ACRBP: variants seen among roughly 807,000 people sequenced by gnomAD.
ACRBP encodes the protein acrosin-binding protein.
A neutral mutation model predicts 69.0 loss-of-function variants in ACRBP; 52 were observed. The observed-to-expected ratio is 0.75, with a 90% CI of 0.60 to 0.95. ACRBP has a LOEUF of 0.95. ACRBP is among the 40% of genes least tolerant of loss of function. The probability of loss-of-function intolerance (pLI) is 0.00; values close to 1 mark genes in which losing one functional copy is unlikely to be tolerated. For synonymous variants in ACRBP, 267 were observed against 258.9 expected (o/e 1.03, Z -0.30); for missense variants, 604 against 673.0 (o/e 0.90, Z 1.13).
At chr12:6,646,757 C>T (rs769877349) in intron 2 of ACRBP, 37 bp downstream of exon 2, 1 of 1,610,864 alleles carries the variant, frequency 6.2e-7, no homozygotes, top group Admixed American at 1.7e-5. Context: ...GGTGAACACT[C>T]TGGGTGCCTC....
chr12:6,643,163 G>A (rs1000945614), intron 6 of ACRBP, among the ~76,000 whole-genome samples: 1 of 152,114 alleles, frequency 6.6e-6, no homozygotes, highest in Non-Finnish European at 1.5e-5. Flanking sequence ...GCTGAGATGA[G>A]AGGAGGATCA....
At position 6,645,217 on chromosome 12, in the gene ACRBP, C is replaced by T; in HGVS notation, c.475+3G>A. The T allele has an allele frequency of 1.9e-6, 3 of 1,609,556 alleles. No individual in the cohort carries two copies. Among genetic ancestry groups the T allele is most frequent in the Non-Finnish European group, 2.5e-6 (3 of 1,176,524 alleles). The stretch of plus-strand genomic sequence containing the variant: ...GGTCTCCCGGCTGCTGAGAGGGTCT[C>T]ACCTGTGAAGTGGGGTGAGATGGGG... On this transcript the variant is annotated splice_donor_region_variant and intron_variant, in intron 4 of 9. Coordinates refer to ENST00000229243, the MANE Select transcript of ACRBP (RefSeq NM_032489.3).
chr12:6,641,272 G>A (rs977213163), intron 6 of ACRBP, among the ~76,000 whole-genome samples: 2 of 152,154 alleles, frequency 1.3e-5, no homozygotes, highest in South Asian at 2.1e-4. Context: ...GCAGGAGATC[G>A]TACTAAGCAG....
chr12:6,643,820 G>T, intron 5 of ACRBP, 149 bp from the exon 6 acceptor site: 1 of 1,198,764 alleles, frequency 8.3e-7, no homozygotes, highest in East Asian at 2.4e-5. Context: ...TGGACAAATC[G>T]CCTCATTTTT....
chr12:6,646,874 C>T lies in ACRBP; in HGVS notation c.182G>A (p.Arg61His), dbSNP rs1276739488. 3.7e-6 allele frequency: 6 copies of T among 1,614,124 alleles called. No individual in the cohort carries two copies. Among genetic ancestry groups the T allele is most frequent in the African/African-American group, 1.3e-5 (1 of 75,026 alleles). The part of the protein sequence containing the change: ...TPTWKAETTC[R>H]LRATHGCRNP... The stretch of plus-strand genomic sequence containing the variant: ...CCGGCAGCCGTGGGTTGCACGGAGA[C>T]GGCAGGTAGTCTCTGCCTTCCAGGT... The change falls in exon 2 of 10, where the codon CGT (arginine) becomes CAT (histidine). Residue 61 changes from arginine to histidine, a missense_variant. Transcript: ENST00000229243.
At position 6,645,200 on chromosome 12, in the gene ACRBP, G is replaced by C. The variant is rs756596238; in HGVS notation, c.475+20C>G. On this transcript the variant is annotated intron_variant, in intron 4 of 9. Transcript: ENST00000229243. Reference sequence around the variant, plus strand: ...TTGTGGGAGTAGCTGGTGGTCTCCCGGCTGCTGAGAGGGTCTCACCTGTGA... The same window carrying C: ...TTGTGGGAGTAGCTGGTGGTCTCCCCGCTGCTGAGAGGGTCTCACCTGTGA... The C allele has an allele frequency of 4.3e-5, 67 of 1,570,584 alleles. 1 individual carries two copies. In the Middle Eastern group the frequency reaches 8.7e-4, roughly 20 times the overall value.
intron 2 of ACRBP, 63 bp from the exon 3 acceptor site, chr12:6,646,640 A>G: frequency 2.0e-6 from 3 of 1,536,748 alleles, no homozygotes; most frequent in Non-Finnish European, 2.7e-6. Flanking sequence ...GCTGTGGGCA[A>G]TGGACTCCAC....
At chr12:6,645,749 C>T (rs934403733) in intron 3 of ACRBP, among the ~76,000 whole-genome samples, 2 of 151,676 alleles carry the variant, frequency 1.3e-5, no homozygotes, top group Non-Finnish European at 2.9e-5. Context: ...CAAGCCCCAC[C>T]TCCCGGGTTC....
Position 6,644,325 on chromosome 12 carries a change from T to A in ACRBP, c.756A>T (p.Ser252=), listed in dbSNP as rs1441347385. The A allele has an allele frequency of 1.2e-6, 2 of 1,614,186 alleles. No homozygotes were observed. The highest frequency in any genetic ancestry group is 1.7e-6 in the Non-Finnish European group (2 of 1,180,024). The part of the protein sequence containing the change: ...REAVSQLQTD[S]EPKFHSESLS... The stretch of plus-strand genomic sequence containing the variant: ...GAGATTCAGAGTGAAACTTGGGCTC[T>A]GAGTCTGTCTGCAGCTGAGACACAG... The change falls in exon 5 of 10, where the codon TCA becomes TCT. Residue 252 remains serine (S), a synonymous_variant. Coordinates refer to ENST00000229243, the MANE Select transcript of ACRBP (RefSeq NM_032489.3).
At position 6,645,374 on chromosome 12, in the gene ACRBP, A is replaced by G. The variant is rs765991933; in HGVS notation, c.358-37T>C. 3.3e-6 allele frequency: 5 copies of G among 1,507,416 alleles called. No homozygotes were observed. In the East Asian group the frequency reaches 9.0e-5, roughly 27 times the overall value. The allele number at this position is 1,507,416 out of a possible 1,614,324, so 93.4% of individuals were successfully genotyped here. ...GAAGGAAAATGGGAAAGCCTTTCCT[A>G]AAGGGCAGACTTCTGCTCCAGCTGG... is the stretch of plus-strand genomic sequence containing the variant. On this transcript the variant is annotated intron_variant, in intron 3 of 9. Coordinates refer to ENST00000229243, the MANE Select transcript of ACRBP (RefSeq NM_032489.3).
intron 6 of ACRBP, 124 bp downstream of exon 6, chr12:6,643,414 GA>G: frequency 7.4e-7 from 1 of 1,347,240 alleles, no homozygotes; most frequent in Non-Finnish European, 1.0e-6. Context: ...GTCCCACTTG[GA>G]GAGAATCTCT....
chr12:6,647,326 T>G lies in ACRBP; in HGVS notation c.41A>C (p.Lys14Thr). ...PAAGFLPSLL[K>T]VLLLPLAPAA... ...TGGAGCAGGTGTAAACCTCTCACCC[T>G]TCAGGAGTGAGGGAAGGAAGCCAGC... is the stretch of plus-strand genomic sequence containing the variant. The change falls in exon 1 of 10, where the codon AAG (lysine) becomes ACG (threonine). Residue 14 changes from lysine (K) to threonine (T), a missense_variant and splice_region_variant. By Grantham distance (78) the Lys-to-Thr change is moderately conservative (BLOSUM62 -1). Around this residue, in one of 3 missense-constraint regions of ACRBP, gnomAD observed 532 missense variants for 562.9 expected, o/e 0.95. Coordinates refer to ENST00000229243, the MANE Select transcript of ACRBP (RefSeq NM_032489.3). 6.4e-6 allele frequency: 10 copies of G among 1,553,064 alleles called. No individual in the cohort carries two copies. Among genetic ancestry groups the G allele is most frequent in the Non-Finnish European group, 8.7e-6 (10 of 1,149,558 alleles).
chr12:6,643,917 G>T, intron 5 of ACRBP: 1 of 1,053,602 alleles, frequency 9.5e-7, no homozygotes, highest in Middle Eastern at 3.2e-4. Flanking sequence ...CAGAACCCAA[G>T]TCTGGTAGCT....
rs1344008240 is a variant in ACRBP at position 6,640,965 on chromosome 12, G to A, written c.1078-443C>T. Among the ~76,000 whole-genome samples the A allele has an allele frequency of 2.6e-5, 4 of 152,204 alleles. No homozygotes were observed. The highest frequency in any genetic ancestry group is 5.9e-5 in the Non-Finnish European group (4 of 68,042). ...AGAGGTGACCCAGTGCCAGCACTAT[G>A]GCTACACATGCTCTCATTTCATTTA... is the stretch of plus-strand genomic sequence containing the variant. On this transcript the variant is annotated intron_variant, in intron 6 of 9. Transcript: ENST00000229243. The surrounding 1 kb of genome is among the most constrained non-coding windows in gnomAD (Gnocchi z 5.3).
chr12:6,647,219 C>T, intron 1 of ACRBP, 105 bp downstream of exon 1: 3 of 1,372,544 alleles, frequency 2.2e-6, no homozygotes, highest in Non-Finnish European at 3.0e-6. Context: ...GCCGACCCAG[C>T]GCGACCACCA....
At position 6,644,554 on chromosome 12, in the gene ACRBP, A is replaced by T. The variant is rs778564719; in HGVS notation, c.527T>A (p.Val176Glu). Residue 176 changes from valine (V) to glutamate (E), a missense_variant, in exon 5 of 10, where the codon GTG becomes GAG. Coordinates refer to ENST00000229243, the MANE Select transcript of ACRBP (RefSeq NM_032489.3). ...QPWPERLSNNVEELLQSSLSL... is the reference protein window; with the variant it reads ...QPWPERLSNNEEELLQSSLSL... The stretch of plus-strand genomic sequence containing the variant: ...CAAGGAGGATTGTAGGAGCTCTTCC[A>T]CGTTGTTGCTGAGCCTCTCAGGCCA... The T allele has an allele frequency of 1.9e-6, 3 of 1,613,606 alleles. No individual in the cohort carries two copies. Among genetic ancestry groups the T allele is most frequent in the Non-Finnish European group, 1.7e-6 (2 of 1,179,950 alleles).
intron 6 of ACRBP, among the ~76,000 whole-genome samples, chr12:6,641,909 C>T (rs1354221973): frequency 6.6e-6 from 1 of 152,180 alleles, no homozygotes; most frequent in East Asian, 1.9e-4. Context: ...GAAATTTCTA[C>T]TCTTCTTTGC....
chr12:6,642,299 T>A (rs544365117), intron 6 of ACRBP, among the ~76,000 whole-genome samples: 3 of 152,266 alleles, frequency 2.0e-5, no homozygotes, highest in South Asian at 2.1e-4. Context: ...ATTCTAAGAG[T>A]TTTACAGGCA....
At chr12:6,642,233 A>T (rs934330854) in intron 6 of ACRBP, among the ~76,000 whole-genome samples, 1 of 152,170 alleles carries the variant, frequency 6.6e-6, no homozygotes, top group East Asian at 1.9e-4. Context: ...TTAAATATCT[A>T]GTAGAGTTTG....
Sources: allele counts gnomAD v4.1 joint callset (sites outside exome capture counted in the v4.1 genomes callset), GRCh38; gene constraint gnomAD v4.1.1; regional missense constraint gnomAD v4.1.1; non-coding constraint Gnocchi (gnomAD v3.1); transcripts MANE v1.5; gene names NCBI Gene and HGNC (gene_info 2026-07-23, HGNC 2026-07-21).